The following NF1 variants were observed in gnomAD, a reference collection of about 807,000 sequenced individuals.
NF1 encodes the protein neurofibromin.
Under a neutral mutation model 325.7 loss-of-function variants are expected in NF1, and 122 were observed. That is an observed-to-expected ratio of 0.37 (90% CI 0.32 to 0.44). The LOEUF (loss-of-function observed/expected upper bound fraction) is 0.44, where lower values mean the gene tolerates loss of function less well. NF1 is among the 20% of genes least tolerant of loss of function. NF1 has a pLI of 1.00. For synonymous variants in NF1, 1,091 were observed against 1,186.0 expected (o/e 0.92, Z 1.65); for missense variants, 2,140 against 3,415.4 (o/e 0.63, Z 9.31).
At chr17:31,315,433 A>C (rs1269189493) in intron 36 of NF1, among the ~76,000 whole-genome samples, 1 of 152,206 alleles carries the variant, frequency 6.6e-6, no homozygotes, top group African/African-American at 2.4e-5. Flanking sequence ...ACAAAGGATA[A>C]GTGCTTGAAG....
chr17:31,320,445 A>G, intron 36 of NF1: 1 of 1,610,158 alleles, frequency 6.2e-7, no homozygotes, highest in Non-Finnish European at 8.5e-7. Context: ...TGCCACTGCT[A>G]GTCAGGCTTT....
At chr17:31,369,338 A>G (rs1241925868) in intron 57 of NF1, among the ~76,000 whole-genome samples, 1 of 152,170 alleles carries the variant, frequency 6.6e-6, no homozygotes, top group Non-Finnish European at 1.5e-5. Flanking sequence ...TTTGGCCAAT[A>G]ACACCTTCTA....
intron 36 of NF1, chr17:31,318,592 A>C: frequency 6.2e-7 from 1 of 1,614,104 alleles, no homozygotes; most frequent in South Asian, 1.1e-5. Context: ...CACTGCAATT[A>C]TAATTAAGCA....
At chr17:31,113,017 G>C (rs574631815) in intron 1 of NF1, among the ~76,000 whole-genome samples, 13 of 152,172 alleles carry the variant, frequency 8.5e-5, no homozygotes, top group Non-Finnish European at 1.9e-4. Context: ...GGTAGTATAA[G>C]TCCTCCAGCT....
chr17:31,351,719 G>A (rs1357291386), intron 50 of NF1, among the ~76,000 whole-genome samples: 2 of 152,200 alleles, frequency 1.3e-5, no homozygotes, highest in Non-Finnish European at 2.9e-5. Flanking sequence ...CCCAGCCAAT[G>A]TAAACATATT....
chr17:31,114,285 G>T (rs893293545), intron 1 of NF1, among the ~76,000 whole-genome samples: 1 of 152,088 alleles, frequency 6.6e-6, no homozygotes, highest in African/African-American at 2.4e-5. Context: ...CATTAATAAA[G>T]AATATGGCTT....
chr17:31,236,109 C>G, intron 29 of NF1, 88 bp downstream of exon 29: 1 of 902,324 alleles, frequency 1.1e-6, no homozygotes, highest in Non-Finnish European at 1.8e-6. Context: ...AGCAAGGCAC[C>G]TTCTCCCCTT....
chr17:31,340,860 A>AC (rs2069805398), intron 47 of NF1, among the ~76,000 whole-genome samples: 1 of 150,886 alleles, frequency 6.6e-6, no homozygotes, highest in Admixed American at 6.6e-5. Context: ...AAAAAAAAAA[A>AC]CAAAAAAAAA....
At chr17:31,242,112 T>G (rs2151443872) in intron 29 of NF1, among the ~76,000 whole-genome samples, 1 of 152,040 alleles carries the variant, frequency 6.6e-6, no homozygotes, top group South Asian at 2.1e-4. Flanking sequence ...GCCAGACATA[T>G]TGGAGCTCCA....
chr17:31,236,040 T>C lies in NF1; in HGVS notation c.3974+19T>C, dbSNP rs372690119. Reference sequence around the variant, plus strand: ...CTACCAGGTTTGTCATCTTTTCACATAGAACCGCTGTTTTTTGTTTTTTTT... The same window carrying C: ...CTACCAGGTTTGTCATCTTTTCACACAGAACCGCTGTTTTTTGTTTTTTTT... On this transcript the variant is annotated intron_variant, in intron 29 of 57. Transcript: ENST00000358273. 3.2e-6 allele frequency: 5 copies of C among 1,573,388 alleles called. No individual in the cohort carries two copies. In the African/African-American group the frequency reaches 4.6e-5, roughly 14 times the overall value.
chr17:31,342,963 G>A, intron 47 of NF1, 46 bp from the exon 48 acceptor site: 2 of 1,611,806 alleles, frequency 1.2e-6, no homozygotes, highest in Non-Finnish European at 1.7e-6. Context: ...TTTAAAGAAA[G>A]CTACTGTGTG....
chr17:31,350,086 G>A (rs1261988706), intron 49 of NF1, 97 bp from the exon 50 acceptor site: 1 of 1,254,762 alleles, frequency 8.0e-7, no homozygotes. Context: ...CATTTAACAG[G>A]TACTATGCTC....
At chr17:31,135,242 T>C (rs941871450) in intron 1 of NF1, among the ~76,000 whole-genome samples, 11 of 152,204 alleles carry the variant, frequency 7.2e-5, no homozygotes, top group Non-Finnish European at 7.3e-5. Flanking sequence ...TGTGTGTTAT[T>C]AGGTGCATAG....
chr17:31,274,135 T>A (rs927816391), intron 36 of NF1, among the ~76,000 whole-genome samples: 3 of 152,174 alleles, frequency 2.0e-5, no homozygotes, highest in Non-Finnish European at 4.4e-5. Flanking sequence ...AATATGAAAC[T>A]TAAGAAAAGG....
chr17:31,254,461 T>C (rs761969390), intron 31 of NF1, among the ~76,000 whole-genome samples: 43 of 152,204 alleles, frequency 2.8e-4, no homozygotes, highest in Admixed American at 1.2e-3. Flanking sequence ...TTTGCCTAGC[T>C]ATGATCAAAT....
intron 1 of NF1, among the ~76,000 whole-genome samples, chr17:31,098,419 C>T (rs1374142613): frequency 6.6e-6 from 1 of 151,890 alleles, no homozygotes; most frequent in African/African-American, 2.4e-5. Context: ...GGCTGGAGTG[C>T]AATGATGCGA....
At chr17:31,342,744 G>A (rs1427613827) in intron 47 of NF1, among the ~76,000 whole-genome samples, 1 of 152,224 alleles carries the variant, frequency 6.6e-6, no homozygotes, top group African/African-American at 2.4e-5. Flanking sequence ...TCACCGGGAT[G>A]TAAATTGACA....
intron 36 of NF1, among the ~76,000 whole-genome samples, chr17:31,300,096 A>C (rs1210481761): frequency 3.3e-5 from 5 of 152,080 alleles, no homozygotes; most frequent in African/African-American, 1.2e-4. Flanking sequence ...AGTGTATAGT[A>C]AATTCTGTGT....
chr17:31,336,586 T>G lies in NF1; in HGVS notation c.6148-49T>G. 6.4e-7 allele frequency: 1 copy of G among 1,564,850 alleles called. No homozygotes were observed. The highest frequency in any genetic ancestry group is 8.6e-7 in the Non-Finnish European group (1 of 1,157,504). On this transcript the variant is annotated intron_variant, in intron 41 of 57. Coordinates refer to ENST00000358273, the MANE Select transcript of NF1 (RefSeq NM_001042492.3). This position sits in a 1 kb window ranked among gnomAD's most constrained non-coding sequence, Gnocchi z 5.5. ...ACTGAACTTTTTTGTGCTAAAACTTTGAGTCCCATGTTTTTTTTTTTAAAA... is the reference window on the plus strand; with the variant it reads ...ACTGAACTTTTTTGTGCTAAAACTTGGAGTCCCATGTTTTTTTTTTTAAAA...
Sources: gnomAD v4.1 joint callset for allele counts (sites outside exome capture counted in the v4.1 genomes callset) on GRCh38, gnomAD v4.1.1 for gene constraint, Gnocchi (gnomAD v3.1) non-coding constraint, MANE v1.5 for transcripts, NCBI Gene and HGNC (gene_info 2026-07-23, HGNC 2026-07-21) for gene names.